FGF13: variants seen among roughly 807,000 people sequenced by gnomAD.
FGF13 encodes the protein fibroblast growth factor 13, also known as fibroblast growth factor homologous factor 2.
FGF13 carries 2 observed loss-of-function variants against 19.5 expected under a neutral mutation model. The observed-to-expected ratio is 0.10, with a 90% confidence interval of 0.04 to 0.32. The LOEUF is 0.32. Among genes scored for constraint, FGF13 ranks in the 10% least tolerant of loss-of-function variants. The probability of loss-of-function intolerance (pLI) is 1.00; values close to 1 mark genes in which losing one functional copy is unlikely to be tolerated. For missense variants in FGF13, 113 were observed against 192.7 expected, an observed-to-expected ratio of 0.59 and a Z score of 2.45; for synonymous variants, 72 against 76.9, an observed-to-expected ratio of 0.94 and a Z score of 0.33.
intron 3 of FGF13, among the ~76,000 whole-genome samples, chrX:138,655,802 A>C (rs947568481): frequency 8.9e-6 from 1 of 112,048 alleles, no homozygotes; most frequent in Non-Finnish European, 1.9e-5. Flanking sequence ...TTGGAGCATA[A>C]TTGCTAATAT....
Position 138,626,951 on chromosome X carries a change from C to T in FGF13, c.*5899G>A, listed in dbSNP as rs908404254. ...TAATTCATTCTGGTTTTGAAATTTTCGAGGAAGAAAATAACACTTGGATGG... is the reference window on the plus strand; with the variant it reads ...TAATTCATTCTGGTTTTGAAATTTTTGAGGAAGAAAATAACACTTGGATGG... On this transcript the variant is annotated 3_prime_UTR_variant, in exon 5 of 5. Coordinates refer to ENST00000315930, the MANE Select transcript of FGF13 (RefSeq NM_004114.5). The T allele has an allele frequency of 1.8e-5, 2 of 111,783 alleles. No individual in the cohort carries two copies. Among genetic ancestry groups the T allele is most frequent in the Admixed American group, 1.9e-4 (2 of 10,485 alleles). 9.2% of individuals were successfully genotyped at this position (111,783 alleles called of 1,213,427 possible). A position where few individuals can be genotyped will look rare whatever the true frequency, so the allele number is the denominator to read the frequency against.
chrX:138,790,426 C>A, intron 3 of FGF13, among the ~76,000 whole-genome samples: 1 of 110,770 alleles, frequency 9.0e-6, no homozygotes, highest in Non-Finnish European at 1.9e-5. Flanking sequence ...CTGGAGCAAA[C>A]CTGAACTGCC....
intron 1 of FGF13, among the ~76,000 whole-genome samples, chrX:139,145,112 TTA>T (rs1177701171): frequency 1.8e-5 from 2 of 112,084 alleles, no homozygotes; most frequent in African/African-American, 3.2e-5. Flanking sequence ...AGCTGGATTC[TTA>T]TGTTTGTTTC....
At chrX:138,847,444 G>T (rs2091190608) in intron 3 of FGF13, among the ~76,000 whole-genome samples, 1 of 111,597 alleles carries the variant, frequency 9.0e-6, no homozygotes, top group African/African-American at 3.3e-5. Context: ...ATGCTTCTGA[G>T]AATATATATC....
At chrX:138,998,799 AT>A (rs988677924) in intron 1 of FGF13, among the ~76,000 whole-genome samples, 3 of 111,681 alleles carry the variant, frequency 2.7e-5, no homozygotes, top group Admixed American at 9.5e-5. Context: ...TAACAAGGAT[AT>A]CCAGGACTTG....
chrX:139,082,926 T>A (rs898719847), intron 1 of FGF13, among the ~76,000 whole-genome samples: 2 of 111,945 alleles, frequency 1.8e-5, no homozygotes, highest in African/African-American at 6.5e-5. Context: ...TAATGCTGTA[T>A]CATGGAGATA....
chrX:138,743,969 TTCCTCC>T (rs1264457174), upstream of FGF13, among the ~76,000 whole-genome samples: 2 of 110,721 alleles, frequency 1.8e-5, no homozygotes, highest in African/African-American at 3.3e-5. Flanking sequence ...AGATTTTGTG[TTCCTCC>T]TCCTCCTCCT....
At chrX:139,080,930 C>A (rs192910459) in intron 1 of FGF13, among the ~76,000 whole-genome samples, 4 of 111,157 alleles carry the variant, frequency 3.6e-5, no homozygotes, top group African/African-American at 1.3e-4. Context: ...CATGTCTATA[C>A]CACTGCATCA....
At chrX:138,978,761 T>A (rs903600280) in intron 1 of FGF13, among the ~76,000 whole-genome samples, 3 of 112,137 alleles carry the variant, frequency 2.7e-5, no homozygotes, top group African/African-American at 9.7e-5. Flanking sequence ...TCCAAAGTCA[T>A]ACTGCTAGCA....
chrX:139,103,240 G>A (rs1344895641), intron 1 of FGF13, among the ~76,000 whole-genome samples: 1 of 112,337 alleles, frequency 8.9e-6, no homozygotes, highest in African/African-American at 3.2e-5. Flanking sequence ...TAAGAGGCTG[G>A]TTAGTTCATA....
In FGF13 at chrX:138,710,991, T is replaced by C; in HGVS notation, c.13A>G (p.Ile5Val). The change falls in exon 1 of 5, where the codon ATC becomes GTC. Residue 5 changes from isoleucine to valine, a missense_variant. Around this residue, in one of 4 missense-constraint regions of FGF13, gnomAD observed 5 missense variants for 28.0 expected, o/e 0.18. Coordinates refer to ENST00000315930, the MANE Select transcript of FGF13 (RefSeq NM_004114.5). Reference protein sequence around the residue: MAAAIASSLIRQKRQ... With the variant: MAAAVASSLIRQKRQ... ...TTCTGACGGATGAGCGAGCTGGCGATAGCCGCCGCCATGGCCACGACGCCC... is the reference window on the plus strand; with the variant it reads ...TTCTGACGGATGAGCGAGCTGGCGACAGCCGCCGCCATGGCCACGACGCCC... 2 of 1,210,249 alleles carry C rather than the reference T, an allele frequency of 1.7e-6. No individual in the cohort carries two copies. The highest frequency in any genetic ancestry group is 3.0e-5 in the East Asian group (1 of 33,827).
chrX:139,140,564 T>A (rs1828401242), intron 1 of FGF13, among the ~76,000 whole-genome samples: 1 of 111,435 alleles, frequency 9.0e-6, no homozygotes, highest in South Asian at 3.8e-4. Context: ...TAGTAAGTCA[T>A]TCCATCTTAC....
chrX:138,951,255 C>T (rs1487603032), intron 1 of FGF13, among the ~76,000 whole-genome samples: 1 of 111,770 alleles, frequency 8.9e-6, no homozygotes, highest in Non-Finnish European at 1.9e-5. Flanking sequence ...TGGACTAATG[C>T]ATCCTCTATA....
chrX:138,814,779 T>C (rs1282000945), intron 3 of FGF13, among the ~76,000 whole-genome samples: 5 of 111,206 alleles, frequency 4.5e-5, no homozygotes, highest in South Asian at 3.8e-4. Flanking sequence ...GAAAACAGTA[T>C]GGAGGTTGCT....
At chrX:138,984,678 GAGA>G (rs376057802) in intron 1 of FGF13, among the ~76,000 whole-genome samples, 2 of 66,595 alleles carry the variant, frequency 3.0e-5, no homozygotes, top group Non-Finnish European at 5.5e-5. Flanking sequence ...GAAGGTGAAG[GAGA>G]AGAAGAAGGA....
intron 1 of FGF13, among the ~76,000 whole-genome samples, chrX:139,085,562 G>A (rs888478232): frequency 1.8e-5 from 2 of 111,934 alleles, no homozygotes; most frequent in African/African-American, 6.5e-5. Flanking sequence ...TCTAATGTGA[G>A]CAGCTACATT....
intron 3 of FGF13, among the ~76,000 whole-genome samples, chrX:138,823,287 T>C (rs2091011787): frequency 9.0e-6 from 1 of 111,302 alleles, no homozygotes; most frequent in South Asian, 3.9e-4. Flanking sequence ...CCAGCCCGCC[T>C]GCGCACTAGG....
intron 1 of FGF13, among the ~76,000 whole-genome samples, chrX:139,078,859 A>G (rs2083350450): frequency 8.9e-6 from 1 of 112,927 alleles, no homozygotes; most frequent in Admixed American, 9.3e-5. Context: ...TTGGTGAAAG[A>G]ATCTTTTTAG....
intron 1 of FGF13, among the ~76,000 whole-genome samples, chrX:139,201,944 AAATT>A (rs1412924054): frequency 2.7e-5 from 3 of 112,447 alleles, no homozygotes; most frequent in Non-Finnish European, 5.6e-5. Context: ...TTGCCTTGTA[AAATT>A]AATTTATTCT....
Sources: allele counts gnomAD v4.1 joint callset (sites outside exome capture counted in the v4.1 genomes callset), GRCh38; gene constraint gnomAD v4.1.1; regional missense constraint gnomAD v4.1.1; transcripts MANE v1.5; gene names NCBI Gene and HGNC (gene_info 2026-07-23, HGNC 2026-07-21).